RAC3: variants seen among roughly 807,000 people sequenced by gnomAD.
RAC3 encodes Rac family small GTPase 3.
In RAC3, 9 loss-of-function variants were observed where a neutral mutation model predicts 19.0. That is an observed-to-expected ratio of 0.47 (90% CI 0.29 to 0.83). RAC3 has a LOEUF of 0.83. RAC3 is among the 40% of genes least tolerant of loss of function. The pLI is 0.09. For missense variants in RAC3, 203 were observed against 260.8 expected, an observed-to-expected ratio of 0.78 and a Z score of 1.53; for synonymous variants, 146 against 111.8, an observed-to-expected ratio of 1.31 and a Z score of -1.93.
At position 82,033,087 on chromosome 17, in the gene RAC3, A is replaced by G. The variant is rs910041914; in HGVS notation, c.288+78A>G. The G allele has an allele frequency of 1.2e-5, 16 of 1,356,516 alleles. No individual in the cohort carries two copies. The highest frequency in any genetic ancestry group is 1.6e-5 in the Non-Finnish European group (16 of 1,011,376). The allele number at this position is 1,356,516 out of a possible 1,614,324, so 84.0% of individuals were successfully genotyped here. On this transcript the variant is annotated intron_variant, in intron 4 of 5. Transcript: ENST00000306897. This position sits in a 1 kb window ranked among gnomAD's most constrained non-coding sequence, Gnocchi z 6.2. Reference sequence around the variant, plus strand: ...CCCGACAAGTTGTCCTTTAGAGGCAATTGCGATACGGGTTCTGCCTGGGGT... The same window carrying G: ...CCCGACAAGTTGTCCTTTAGAGGCAGTTGCGATACGGGTTCTGCCTGGGGT...
chr17:82,032,780 G>A lies in RAC3; in HGVS notation c.177G>A (p.Ala59=), dbSNP rs149047052. The change falls in exon 3 of 6, where the codon GCG becomes GCA. Residue 59 remains alanine, a synonymous_variant. Coordinates refer to ENST00000306897, the MANE Select transcript of RAC3 (RefSeq NM_005052.3). ...KPVNLGLWDT[A]GQEDYDRLRP... ...TCAACTTGGGGCTGTGGGACACAGC[G>A]GGTCAGGAGGACTACGATCGGCTGC... The A allele has an allele frequency of 7.4e-6, 12 of 1,613,004 alleles. No individual in the cohort carries two copies. Among genetic ancestry groups the A allele is most frequent in the East Asian group, 2.2e-5 (1 of 44,890 alleles).
chr17:82,032,903 G>A (rs761997412), intron 3 of RAC3, 44 bp from the exon 4 acceptor site: 1 of 1,609,832 alleles, frequency 6.2e-7, no homozygotes, highest in East Asian at 2.2e-5. Flanking sequence ...GCAGGGCCCT[G>A]GGGAGCCCCT....
At chr17:82,032,684 C>A (rs1237663493) in intron 2 of RAC3, 27 bp from the exon 3 acceptor site, 2 of 1,604,202 alleles carry the variant, frequency 1.2e-6, no homozygotes, top group East Asian at 2.2e-5. Flanking sequence ...CCTCCCAAGC[C>A]CTGACCCTGC....
chr17:82,032,260 G>A, intron 1 of RAC3, 127 bp from the exon 2 acceptor site: 2 of 827,370 alleles, frequency 2.4e-6, no homozygotes, highest in Admixed American at 2.4e-5. Flanking sequence ...CGGATCTGGT[G>A]GGCTGGGTCC....
Position 82,033,928 on chromosome 17 carries a change from A to G in RAC3, c.*99A>G, listed in dbSNP as rs1320021765. On this transcript the variant is annotated 3_prime_UTR_variant, in exon 6 of 6. Transcript: ENST00000306897. This position sits in a 1 kb window ranked among gnomAD's most constrained non-coding sequence, Gnocchi z 6.2. Reference sequence around the variant, plus strand: ...TGGTGTCCCTGAGTCGGCTGTGGGGAGCGGTGGGGGTGGGCCGGGGGGAAG... The same window carrying G: ...TGGTGTCCCTGAGTCGGCTGTGGGGGGCGGTGGGGGTGGGCCGGGGGGAAG... The G allele has an allele frequency of 7.6e-7, 1 of 1,320,068 alleles. No individual in the cohort carries two copies. Among genetic ancestry groups the G allele is most frequent in the Non-Finnish European group, 1.0e-6 (1 of 985,032 alleles). 81.8% of individuals were successfully genotyped at this position (1,320,068 alleles called of 1,614,324 possible).
chr17:82,032,103 C>T, intron 1 of RAC3: 1 of 480,320 alleles, frequency 2.1e-6, no homozygotes, highest in Non-Finnish European at 3.7e-6. Context: ...GGGCTGAACC[C>T]TCAGCCGGCC....
chr17:82,031,974 G>A (rs1438831760), intron 1 of RAC3, 178 bp downstream of exon 1: 1 of 176,320 alleles, frequency 5.7e-6, no homozygotes, highest in African/African-American at 2.4e-5. Flanking sequence ...GGCGGGGCGG[G>A]GTCCGCGGGC....
chr17:82,033,446 C>T lies in RAC3; in HGVS notation c.295C>T (p.Pro99Ser), dbSNP rs1321183687. 1 of 1,603,184 alleles carries T rather than the reference C, an allele frequency of 6.2e-7. No homozygotes were observed. The highest frequency in any genetic ancestry group is 8.5e-7 in the Non-Finnish European group (1 of 1,174,904). The change falls in exon 5 of 6, where the codon CCG becomes TCG. Residue 99 changes from proline (P) to serine (S), a missense_variant. By Grantham distance (74) the Pro-to-Ser change is moderately conservative. Around this residue, in one of 3 missense-constraint regions of RAC3, gnomAD observed 142 missense variants for 158.2 expected, o/e 0.90. Coordinates refer to ENST00000306897, the MANE Select transcript of RAC3 (RefSeq NM_005052.3). This position sits in a 1 kb window ranked among gnomAD's most constrained non-coding sequence, Gnocchi z 6.2. ...SFENVRAKWY[P>S]EVRHHCPHTP... ...AGAGCGTCTGTCCCTGCAGTGGTAC[C>T]CGGAGGTGCGGCACCACTGCCCCCA...
rs771645249 is a variant in RAC3, at chr17:82,032,768, G to A, written c.165G>A (p.Leu55=). The change falls in exon 3 of 6, where the codon CTG becomes CTA. Residue 55 remains leucine, a synonymous_variant. Transcript: ENST00000306897. ...MVDGKPVNLG[L]WDTAGQEDYD... ...ACGGGAAACCAGTCAACTTGGGGCT[G>A]TGGGACACAGCGGGTCAGGAGGACT... The A allele has an allele frequency of 1.2e-6, 2 of 1,613,154 alleles. No individual in the cohort carries two copies. Among genetic ancestry groups the A allele is most frequent in the East Asian group, 4.5e-5 (2 of 44,876 alleles).
Position 82,033,679 on chromosome 17 carries a change from C to G in RAC3, c.449-20C>G. On this transcript the variant is annotated intron_variant, in intron 5 of 5. Coordinates refer to ENST00000306897, the MANE Select transcript of RAC3 (RefSeq NM_005052.3). This position sits in a 1 kb window ranked among gnomAD's most constrained non-coding sequence, Gnocchi z 6.2. ...TCCCTGTACCCCACCCTCACTGTCT[C>G]CCCTCCTCACTGCCGCTAGGCTCTG... The G allele has an allele frequency of 6.2e-7, 1 of 1,609,998 alleles. No individual in the cohort carries two copies. Among genetic ancestry groups the G allele is most frequent in the Non-Finnish European group, 8.5e-7 (1 of 1,177,636 alleles).
chr17:82,033,974 G>A lies in RAC3; in HGVS notation c.*145G>A, dbSNP rs970990900. On this transcript the variant is annotated 3_prime_UTR_variant, in exon 6 of 6. Transcript: ENST00000306897. The surrounding 1 kb of genome is among the most constrained non-coding windows in gnomAD (Gnocchi z 6.2). ...GGAAGCATGGGGATGAGGCTGGGTG[G>A]CAGGATCCTGTCCTCTCTGCCGCCT... 8 of 1,119,666 alleles carry A rather than the reference G, an allele frequency of 7.1e-6. No homozygotes were observed. Among genetic ancestry groups the A allele is most frequent in the African/African-American group, 1.6e-5 (1 of 63,952 alleles). 69.4% of individuals were successfully genotyped at this position (1,119,666 alleles called of 1,614,324 possible).
rs778556332 is a variant in RAC3 at position 82,033,794 on chromosome 17, G to A, written c.544G>A (p.Val182Met). ...CCGCGCGGTGCTCTGCCCGCCCCCAGTGAAGAAGCCGGGGAAGAAGTGCAC... is the reference window on the plus strand; with the variant it reads ...CCGCGCGGTGCTCTGCCCGCCCCCAATGAAGAAGCCGGGGAAGAAGTGCAC... ...AIRAVLCPPP[V>M]KKPGKKCTVF Residue 182 changes from valine (V) to methionine (M), a missense_variant, in exon 6 of 6, where the codon GTG becomes ATG. Physicochemically the swap from Val to Met is conservative, Grantham distance 21. Coordinates refer to ENST00000306897, the MANE Select transcript of RAC3 (RefSeq NM_005052.3). The surrounding 1 kb of genome is among the most constrained non-coding windows in gnomAD (Gnocchi z 6.2). 1 of 1,611,068 alleles carries A rather than the reference G, an allele frequency of 6.2e-7. No individual in the cohort carries two copies. The highest frequency in any genetic ancestry group is 1.1e-5 in the South Asian group (1 of 90,872).
Position 82,033,744 on chromosome 17 carries a change from T to C in RAC3, c.494T>C (p.Leu165Pro), listed in dbSNP as rs1308666717. 1.2e-6 allele frequency: 2 copies of C among 1,613,022 alleles called. No homozygotes were observed. Among genetic ancestry groups the C allele is most frequent in the East Asian group, 2.2e-5 (1 of 44,870 alleles). ...LECSALTQRG[L>P]KTVFDEAIRA... ...TGCTCAGCCCTGACCCAGCGGGGCC[T>C]GAAGACAGTGTTTGACGAGGCGATC... Residue 165 changes from leucine to proline, a missense_variant, in exon 6 of 6, where the codon CTG becomes CCG. Leu to Pro is a moderately conservative substitution (Grantham distance 98, BLOSUM62 -3). Transcript: ENST00000306897. This position sits in a 1 kb window ranked among gnomAD's most constrained non-coding sequence, Gnocchi z 6.2.
rs1460103432 is a variant in RAC3 at position 82,033,049 on chromosome 17, C to T, written c.288+40C>T. On this transcript the variant is annotated intron_variant, in intron 4 of 5. Transcript: ENST00000306897. This position sits in a 1 kb window ranked among gnomAD's most constrained non-coding sequence, Gnocchi z 6.2. ...GGGGCCCCTGTGGGGAGAGGGCTTG[C>T]CCCAGTACCTGCCCCGACAAGTTGT... The T allele has an allele frequency of 1.3e-6, 2 of 1,572,144 alleles. No individual in the cohort carries two copies. Among genetic ancestry groups the T allele is most frequent in the Non-Finnish European group, 8.7e-7 (1 of 1,144,512 alleles).
chr17:82,032,866 G>A (rs2043444925), intron 3 of RAC3, 38 bp downstream of exon 3: 1 of 1,610,570 alleles, frequency 6.2e-7, no homozygotes, highest in Non-Finnish European at 8.5e-7. Context: ...AGCTGGGGGG[G>A]TCCCTGAGAT....
Position 82,033,850 on chromosome 17 carries a change from T to A in RAC3, c.*21T>A. 6.3e-7 allele frequency: 1 copy of A among 1,577,262 alleles called. No individual in the cohort carries two copies. The highest frequency in any genetic ancestry group is 8.6e-7 in the Non-Finnish European group (1 of 1,161,772). On this transcript the variant is annotated 3_prime_UTR_variant, in exon 6 of 6. Coordinates refer to ENST00000306897, the MANE Select transcript of RAC3 (RefSeq NM_005052.3). The surrounding 1 kb of genome is among the most constrained non-coding windows in gnomAD (Gnocchi z 6.2). ...TCTAGAGCCCTGGCCCACCCGAGCC[T>A]GAGGGCTGGCGGGGAGCAGCCCTGG... is the stretch of plus-strand genomic sequence containing the variant.
Position 82,033,999 on chromosome 17 carries a change from T to C in RAC3, c.*170T>C. 3 of 894,464 alleles carry C rather than the reference T, an allele frequency of 3.4e-6. No homozygotes were observed. Among genetic ancestry groups the C allele is most frequent in the Non-Finnish European group, 3.3e-6 (2 of 615,380 alleles). The allele number at this position is 894,464 out of a possible 1,614,324, so 55.4% of individuals were successfully genotyped here. Reference sequence around the variant, plus strand: ...GCAGGATCCTGTCCTCTCTGCCGCCTCATTCTGGGGTGTGGCTCCAGCCTT... The same window carrying C: ...GCAGGATCCTGTCCTCTCTGCCGCCCCATTCTGGGGTGTGGCTCCAGCCTT... On this transcript the variant is annotated 3_prime_UTR_variant, in exon 6 of 6. Coordinates refer to ENST00000306897, the MANE Select transcript of RAC3 (RefSeq NM_005052.3). The surrounding 1 kb of genome is among the most constrained non-coding windows in gnomAD (Gnocchi z 6.2).
At position 82,033,588 on chromosome 17, in the gene RAC3, C is replaced by G. The variant is rs1484487125; in HGVS notation, c.437C>G (p.Ala146Gly). Residue 146 changes from alanine (A) to glycine (G), a missense_variant, in exon 5 of 6, where the codon GCC becomes GGC. This residue lies in a region of RAC3 where 142 missense variants were observed against 158.2 expected (regional missense o/e 0.90). Transcript: ENST00000306897. The surrounding 1 kb of genome is among the most constrained non-coding windows in gnomAD (Gnocchi z 6.2). Reference sequence around the variant, plus strand: ...ACCTACCCACAGGGCCTGGCCATGGCCCGGGAGATTGGTGGGTAGGCGCTG... The same window carrying G: ...ACCTACCCACAGGGCCTGGCCATGGGCCGGGAGATTGGTGGGTAGGCGCTG... ...PITYPQGLAM[A>G]REIGSVKYLE... is the part of the protein sequence containing the mutation. The G allele has an allele frequency of 1.2e-6, 2 of 1,610,314 alleles. No homozygotes were observed. The highest frequency in any genetic ancestry group is 2.2e-5 in the South Asian group (2 of 90,912).
chr17:82,033,651 G>A lies in RAC3; in HGVS notation c.449-48G>A. ...GGAGGGGTGGGGAGGCGCAGTAAGG[G>A]CCTCCCTGTACCCCACCCTCACTGT... On this transcript the variant is annotated intron_variant, in intron 5 of 5. Coordinates refer to ENST00000306897, the MANE Select transcript of RAC3 (RefSeq NM_005052.3). The surrounding 1 kb of genome is among the most constrained non-coding windows in gnomAD (Gnocchi z 6.2). 1.9e-6 allele frequency: 3 copies of A among 1,603,978 alleles called. No individual in the cohort carries two copies. Among genetic ancestry groups the A allele is most frequent in the Non-Finnish European group, 2.6e-6 (3 of 1,173,522 alleles).
Sources: allele counts gnomAD v4.1 joint callset, GRCh38; gene constraint gnomAD v4.1.1; regional missense constraint gnomAD v4.1.1; non-coding constraint Gnocchi (gnomAD v3.1); transcripts MANE v1.5; gene names NCBI Gene and HGNC (gene_info 2026-07-23, HGNC 2026-07-21).